UNC5D: variants seen among roughly 807,000 people sequenced by gnomAD.
The protein encoded by UNC5D is netrin receptor UNC5D.
In UNC5D, 39 loss-of-function variants were observed where a neutral mutation model predicts 105.4. The observed-to-expected ratio is 0.37, with a 90% confidence interval of 0.29 to 0.48. UNC5D has a LOEUF of 0.48. Among genes scored for constraint, UNC5D ranks in the 20% least tolerant of loss-of-function variants. The pLI is 0.98. For missense variants in UNC5D, 991 were observed against 1,202.4 expected, an observed-to-expected ratio of 0.82 and a Z score of 2.60; for synonymous variants, 452 against 450.4, an observed-to-expected ratio of 1.00 and a Z score of -0.04.
intron 12 of UNC5D, 150 bp from the exon 13 acceptor site, chr8:35,750,432 G>A: frequency 1.3e-6 from 1 of 793,164 alleles, no homozygotes; most frequent in Non-Finnish European, 2.0e-6. Context: ...TTTGATAGAA[G>A]AGGAACAGTT....
intron 1 of UNC5D, among the ~76,000 whole-genome samples, chr8:35,268,063 T>G (rs1032061460): frequency 6.6e-6 from 1 of 152,214 alleles, no homozygotes; most frequent in African/African-American, 2.4e-5. Context: ...CATTAATTTA[T>G]GATTTTTTTG....
chr8:35,591,998 A>G (rs1320498953), intron 3 of UNC5D, among the ~76,000 whole-genome samples: 1 of 152,130 alleles, frequency 6.6e-6, no homozygotes, highest in Non-Finnish European at 1.5e-5. Context: ...TGCCTACTTA[A>G]TCTTCCAATT....
At chr8:35,604,158 G>C (rs1366813162) in intron 4 of UNC5D, among the ~76,000 whole-genome samples, 1 of 152,110 alleles carries the variant, frequency 6.6e-6, no homozygotes, top group Non-Finnish European at 1.5e-5. Context: ...TTACAATTTG[G>C]CATGTTTTTG....
chr8:35,541,344 C>G (rs1216884558), intron 1 of UNC5D, among the ~76,000 whole-genome samples: 1 of 152,160 alleles, frequency 6.6e-6, no homozygotes, highest in Non-Finnish European at 1.5e-5. Context: ...TTAGTCTAAA[C>G]TTAATTTAAC....
At chr8:35,461,457 G>A (rs1808889271) in intron 1 of UNC5D, among the ~76,000 whole-genome samples, 1 of 152,136 alleles carries the variant, frequency 6.6e-6, no homozygotes, top group Non-Finnish European at 1.5e-5. Flanking sequence ...TGGTGGTGGA[G>A]AGCCCATTCA....
intron 1 of UNC5D, among the ~76,000 whole-genome samples, chr8:35,318,516 T>C (rs1031478264): frequency 1.3e-5 from 2 of 152,144 alleles, no homozygotes; most frequent in Admixed American, 6.6e-5. Flanking sequence ...GATTCTGTTT[T>C]ATCATCCATA....
In UNC5D at chr8:35,451,200, T is replaced by C. The variant is rs575867581; in HGVS notation, c.104-98092T>C. Among the ~76,000 whole-genome samples, 17 of 152,132 alleles carry C rather than the reference T, an allele frequency of 1.1e-4. No homozygotes were observed. The South Asian group carries it at 3.5e-3, about 32-fold the overall frequency. On this transcript the variant is annotated intron_variant, in intron 1 of 16. Coordinates refer to ENST00000404895, the MANE Select transcript of UNC5D (RefSeq NM_080872.4). ...CTGGGATTACAGGCATGCACCACCA[T>C]GCTCGGCTAATTTTGTATTGTTAGT...
rs1457886158 is a variant in UNC5D at position 35,721,577 on chromosome 8, C to T, written c.1118-633C>T. On this transcript the variant is annotated intron_variant, in intron 8 of 16. Transcript: ENST00000404895. Reference sequence around the variant, plus strand: ...CAGAAAACATCTGCCATGGACTTAACAGCACCTGGGACCAAGACCTTCATA... The same window carrying T: ...CAGAAAACATCTGCCATGGACTTAATAGCACCTGGGACCAAGACCTTCATA... 1.3e-5 allele frequency: 9 copies of T among 698,772 alleles called. No individual in the cohort carries two copies. In the Admixed American group the frequency reaches 1.6e-4, roughly 13 times the overall value. 43.3% of individuals were successfully genotyped at this position (698,772 alleles called of 1,614,324 possible).
In UNC5D at chr8:35,405,986, A is replaced by G. The variant is rs146526441; in HGVS notation, c.104-143306A>G. Reference sequence around the variant, plus strand: ...TAAAGGGAAGGAAAATGCAAAAATTAAATATTTCTGAGTATGCTAAATTTG... The same window carrying G: ...TAAAGGGAAGGAAAATGCAAAAATTGAATATTTCTGAGTATGCTAAATTTG... On this transcript the variant is annotated intron_variant, in intron 1 of 16. Transcript: ENST00000404895. 3.0e-3 allele frequency among the ~76,000 whole-genome samples: 456 copies of G among 152,314 alleles called. 3 individuals are homozygous for G. Among genetic ancestry groups the G allele is most frequent in the African/African-American group, 0.01 (431 of 41,584 alleles).
At chr8:35,777,030 C>T (rs918764090) in intron 16 of UNC5D, among the ~76,000 whole-genome samples, 22 of 152,198 alleles carry the variant, frequency 1.4e-4, no homozygotes, top group Admixed American at 1.4e-3. Context: ...CCAAGGTGGG[C>T]GGATCACGAG....
At chr8:35,768,399 T>C (rs1259711025) in intron 15 of UNC5D, among the ~76,000 whole-genome samples, 3 of 152,114 alleles carry the variant, frequency 2.0e-5, no homozygotes, top group Non-Finnish European at 1.5e-5. Flanking sequence ...TCTTGAACAG[T>C]GTTGGTATAT....
At chr8:35,315,435 G>A (rs527932356) in intron 1 of UNC5D, among the ~76,000 whole-genome samples, 2 of 152,174 alleles carry the variant, frequency 1.3e-5, no homozygotes, top group South Asian at 4.1e-4. Context: ...AGTGCAGATG[G>A]CTGGGGCAGT....
chr8:35,417,349 A>G (rs997021735), intron 1 of UNC5D, among the ~76,000 whole-genome samples: 1 of 151,762 alleles, frequency 6.6e-6, no homozygotes, highest in Non-Finnish European at 1.5e-5. Flanking sequence ...TGATGAGTTT[A>G]CCTCAAGAAC....
intron 1 of UNC5D, among the ~76,000 whole-genome samples, chr8:35,251,191 T>C (rs1006110025): frequency 6.6e-6 from 1 of 152,120 alleles, no homozygotes; most frequent in Non-Finnish European, 1.5e-5. Context: ...GGGAAATTTA[T>C]AAAGGAAAGA....
intron 13 of UNC5D, among the ~76,000 whole-genome samples, chr8:35,755,430 C>A (rs1238217798): frequency 6.6e-6 from 1 of 151,854 alleles, no homozygotes; most frequent in Non-Finnish European, 1.5e-5. Flanking sequence ...AAATATTGTT[C>A]ACGTAAAGCA....
At chr8:35,332,356 G>A (rs1449419782) in intron 1 of UNC5D, among the ~76,000 whole-genome samples, 1 of 152,162 alleles carries the variant, frequency 6.6e-6, no homozygotes, top group African/African-American at 2.4e-5. Flanking sequence ...TTCTCAAATA[G>A]AAATATTCCA....
chr8:35,538,181 C>T (rs910940169), intron 1 of UNC5D, among the ~76,000 whole-genome samples: 6 of 151,594 alleles, frequency 4.0e-5, no homozygotes, highest in East Asian at 3.9e-4. Flanking sequence ...GGAGGAGAAT[C>T]GGCTATAAGC....
chr8:35,281,040 G>C (rs1409527798), intron 1 of UNC5D, among the ~76,000 whole-genome samples: 3 of 152,004 alleles, frequency 2.0e-5, no homozygotes, highest in Non-Finnish European at 4.4e-5. Context: ...TTCTTTTTCT[G>C]TTCCCGTTGC....
chr8:35,331,888 G>A (rs545195760), intron 1 of UNC5D, among the ~76,000 whole-genome samples: 2 of 152,106 alleles, frequency 1.3e-5, no homozygotes, highest in Non-Finnish European at 2.9e-5. Flanking sequence ...GGTAGAGGTG[G>A]CAACAATACA....
Sources: allele counts gnomAD v4.1 joint callset (sites outside exome capture counted in the v4.1 genomes callset), GRCh38; gene constraint gnomAD v4.1.1; transcripts MANE v1.5; gene names NCBI Gene and HGNC (gene_info 2026-07-23, HGNC 2026-07-21).